The following RGS20 variants were observed in gnomAD, a reference collection of about 807,000 sequenced individuals.
RGS20 encodes gz-selective GTPase-activating protein.
In RGS20, 30 loss-of-function variants were observed where a neutral mutation model predicts 33.6. The ratio of observed to expected loss-of-function variants is 0.89; its 90% CI spans 0.67 to 1.21. The LOEUF (loss-of-function observed/expected upper bound fraction) is 1.21. RGS20 is among the 50% of genes most tolerant of loss of function. The probability of loss-of-function intolerance (pLI) is 0.00; values close to 1 mark genes in which losing one functional copy is unlikely to be tolerated. For synonymous variants in RGS20, 208 were observed against 197.9 expected (o/e 1.05, Z -0.43); for missense variants, 472 against 502.4 (o/e 0.94, Z 0.58).
At chr8:53,919,915 G>C (rs1039258184) in intron 2 of RGS20, among the ~76,000 whole-genome samples, 1 of 151,834 alleles carries the variant, frequency 6.6e-6, no homozygotes, top group African/African-American at 2.4e-5. Flanking sequence ...GTTTGTTTTT[G>C]CCCAGGCTGG....
At chr8:53,868,988 G>A (rs1176165299) in intron 1 of RGS20, among the ~76,000 whole-genome samples, 2 of 151,988 alleles carry the variant, frequency 1.3e-5, no homozygotes, top group African/African-American at 4.8e-5. Context: ...CCTGACCTCA[G>A]GTGATCTGCC....
At chr8:53,880,841 G>A (rs981173123) in intron 2 of RGS20, 31 bp from the exon 1 acceptor site, 4 of 1,389,176 alleles carry the variant, frequency 2.9e-6, no homozygotes, top group East Asian at 5.8e-5. Context: ...TGCCCGGCCG[G>A]GTAAAAGGAG....
At chr8:53,885,642 A>T (rs1812521465) in intron 2 of RGS20, among the ~76,000 whole-genome samples, 1 of 151,972 alleles carries the variant, frequency 6.6e-6, no homozygotes, top group African/African-American at 2.4e-5. Context: ...TACGGCAGAG[A>T]CTTTCTAGTG....
chr8:53,909,793 T>C (rs1053802131), intron 2 of RGS20, among the ~76,000 whole-genome samples: 2 of 152,188 alleles, frequency 1.3e-5, no homozygotes, highest in African/African-American at 4.8e-5. Context: ...TGAGAATGGA[T>C]TAAATGTGTA....
chr8:53,941,938 T>A (rs1814309196), intron 3 of RGS20, among the ~76,000 whole-genome samples: 1 of 152,138 alleles, frequency 6.6e-6, no homozygotes, highest in Admixed American at 6.6e-5. Context: ...AATGTATTTA[T>A]ATTCCTACAT....
intron 2 of RGS20, among the ~76,000 whole-genome samples, chr8:53,911,591 T>C (rs1212426948): frequency 6.6e-6 from 1 of 152,134 alleles, no homozygotes. Flanking sequence ...GATCCTAAAC[T>C]ACGTAGAAAA....
chr8:53,865,481 C>T (rs1811899232), intron 1 of RGS20, among the ~76,000 whole-genome samples: 1 of 152,230 alleles, frequency 6.6e-6, no homozygotes, highest in Non-Finnish European at 1.5e-5. Flanking sequence ...ACCGTATGTG[C>T]CCATTACCCA....
At chr8:53,912,348 C>A (rs1813367233) in intron 2 of RGS20, among the ~76,000 whole-genome samples, 1 of 123,432 alleles carries the variant, frequency 8.1e-6, no homozygotes, top group South Asian at 3.2e-4. Flanking sequence ...TACAGTTAAT[C>A]TTGATTTTTT....
intron 2 of RGS20, among the ~76,000 whole-genome samples, chr8:53,918,492 A>C (rs1813554377): frequency 6.6e-6 from 1 of 151,572 alleles, no homozygotes; most frequent in African/African-American, 2.4e-5. Flanking sequence ...GGGTTCAAGC[A>C]GTTCTCTTGC....
chr8:53,925,658 C>A (rs1239504242), intron 2 of RGS20, among the ~76,000 whole-genome samples: 1 of 152,094 alleles, frequency 6.6e-6, no homozygotes, highest in Admixed American at 6.5e-5. Context: ...TCACTTGAAT[C>A]CGGGAGGTGG....
intron 2 of RGS20, among the ~76,000 whole-genome samples, chr8:53,906,904 C>T (rs1422878282): frequency 6.6e-6 from 1 of 152,142 alleles, no homozygotes; most frequent in Non-Finnish European, 1.5e-5. Flanking sequence ...GGAAGGCTTA[C>T]AGCTGAGAGT....
intron 2 of RGS20, among the ~76,000 whole-genome samples, chr8:53,907,079 A>G (rs1813201025): frequency 6.6e-6 from 1 of 152,188 alleles, no homozygotes; most frequent in African/African-American, 2.4e-5. Flanking sequence ...TGTCCCATCA[A>G]TTAACTCTGT....
At position 53,869,917 on chromosome 8, in the gene RGS20, A is replaced by G. The variant is rs543969020; in HGVS notation, c.166-9341A>G. On this transcript the variant is annotated intron_variant, in intron 1 of 5. Transcript: ENST00000297313. ...GACTGAGTGGAGGGTTCTCCTTTGC[A>G]ATGGCCAGGACTTGTGTGGTTTGAA... 5.9e-5 allele frequency among the ~76,000 whole-genome samples: 9 copies of G among 152,106 alleles called. No individual in the cohort carries two copies. In the South Asian group the frequency reaches 1.9e-3, roughly 32 times the overall value.
chr8:53,937,176 A>C (rs756344740), intron 2 of RGS20, among the ~76,000 whole-genome samples: 2 of 152,164 alleles, frequency 1.3e-5, no homozygotes, highest in Non-Finnish European at 2.9e-5. Flanking sequence ...TAGCATTAGG[A>C]GATATACCTA....
chr8:53,958,534 G>A lies in RGS20; in HGVS notation c.*76G>A, dbSNP rs1036274433. ...CTACAACTAGCACAGGGAATTTAGA[G>A]GTTGTAGCATCTTCTGCTGGAGTAA... On this transcript the variant is annotated 3_prime_UTR_variant, in exon 6 of 6. Coordinates refer to ENST00000297313, the MANE Select transcript of RGS20 (RefSeq NM_170587.4). 11 of 768,046 alleles carry A rather than the reference G, an allele frequency of 1.4e-5. No homozygotes were observed. Among genetic ancestry groups the A allele is most frequent in the Non-Finnish European group, 1.8e-5 (10 of 546,598 alleles). 47.6% of individuals were successfully genotyped at this position (768,046 alleles called of 1,614,324 possible). A position where few individuals can be genotyped will look rare whatever the true frequency, so the allele number is the denominator to read the frequency against.
intron 1 of RGS20, among the ~76,000 whole-genome samples, chr8:53,876,900 A>G (rs1658468911): frequency 6.6e-6 from 1 of 152,242 alleles, no homozygotes; most frequent in African/African-American, 2.4e-5. Flanking sequence ...TTGCCTCACA[A>G]GAGTCTCTGT....
At chr8:53,888,683 T>C (rs932273145) in intron 2 of RGS20, among the ~76,000 whole-genome samples, 10 of 152,196 alleles carry the variant, frequency 6.6e-5, no homozygotes, top group African/African-American at 2.4e-4. Flanking sequence ...TAGGATATTT[T>C]CAGCCCCCCG....
At chr8:53,887,885 G>A (rs937186422) in intron 2 of RGS20, among the ~76,000 whole-genome samples, 1 of 151,862 alleles carries the variant, frequency 6.6e-6, no homozygotes, top group African/African-American at 2.4e-5. Flanking sequence ...GGCTGAGGCT[G>A]GAGAATCACC....
intron 2 of RGS20, among the ~76,000 whole-genome samples, chr8:53,919,437 G>A (rs1813584331): frequency 6.6e-6 from 1 of 151,620 alleles, no homozygotes; most frequent in Admixed American, 6.6e-5. Context: ...CGCCTCCCAG[G>A]TTCAAGAGAT....
Sources: allele counts gnomAD v4.1 joint callset (sites outside exome capture counted in the v4.1 genomes callset), GRCh38; gene constraint gnomAD v4.1.1; transcripts MANE v1.5; gene names NCBI Gene and HGNC (gene_info 2026-07-23, HGNC 2026-07-21).